NTRK3: variants seen among roughly 807,000 people sequenced by gnomAD.
NTRK3 encodes neurotrophic receptor tyrosine kinase 3, also known as NT-3 growth factor receptor.
In NTRK3, 24 loss-of-function variants were observed where a neutral mutation model predicts 91.7. The observed-to-expected ratio is 0.26, with a 90% confidence interval of 0.19 to 0.37. NTRK3 has a LOEUF of 0.37. NTRK3 is among the 10% of genes least tolerant of loss of function. The pLI is 1.00. For missense variants in NTRK3, 880 were observed against 1,068.9 expected, an observed-to-expected ratio of 0.82 and a Z score of 2.46; for synonymous variants, 483 against 404.0, an observed-to-expected ratio of 1.20 and a Z score of -2.34.
Position 87,893,664 on chromosome 15 carries a change from G to C in NTRK3, c.2134-13236C>G, listed in dbSNP as rs552195950. On this transcript the variant is annotated intron_variant, in intron 17 of 18. Transcript: ENST00000394480. ...TCTCAGGCTTCCGCATCTAATTACA[G>C]AAGGAGCCAGCTGGTGGATTCCAAA... Among the ~76,000 whole-genome samples, 3 of 152,326 alleles carry C rather than the reference G, an allele frequency of 2.0e-5. No individual in the cohort carries two copies. The East Asian group carries it at 5.8e-4, about 29-fold the overall frequency.
chr15:88,086,844 G>A (rs79046503), intron 13 of NTRK3, among the ~76,000 whole-genome samples: 3,992 of 152,172 alleles, frequency 0.026, 165 homozygotes, highest in African/African-American at 0.085. Flanking sequence ...TCTTCACCTG[G>A]AAGTATGCAG....
intron 14 of NTRK3, among the ~76,000 whole-genome samples, chr15:87,967,493 G>A (rs1199819133): frequency 1.3e-5 from 2 of 152,104 alleles, no homozygotes; most frequent in African/African-American, 2.4e-5. Flanking sequence ...AGAGCACTGC[G>A]AGCCTCACAT....
rs189211300 is a variant in NTRK3, at chr15:88,014,017, C to T, written c.1585+18840G>A. On this transcript the variant is annotated intron_variant, in intron 14 of 18. Transcript: ENST00000394480. ...AAGCCAGTGCAGCAAAGTGGCAGTG[C>T]CCCTTGAAAGTTTACTAAAATAACA... Among the ~76,000 whole-genome samples, 5 of 152,254 alleles carry T rather than the reference C, an allele frequency of 3.3e-5. No homozygotes were observed. In the East Asian group the frequency reaches 9.7e-4, roughly 29 times the overall value.
At position 87,931,139 on chromosome 15, in the gene NTRK3, T is replaced by C. The variant is rs146617544; in HGVS notation, c.1890-1705A>G. 9.0e-4 allele frequency: 438 copies of C among 484,696 alleles called. 10 individuals carry two copies. The East Asian group carries it at 0.023, about 26-fold the overall frequency. 30.0% of individuals were successfully genotyped at this position (484,696 alleles called of 1,614,324 possible). A position where few individuals can be genotyped will look rare whatever the true frequency, so the allele number is the denominator to read the frequency against. On this transcript the variant is annotated intron_variant, in intron 16 of 18. Transcript: ENST00000394480. Reference sequence around the variant, plus strand: ...CTCACTCTTTATTTCCCTCCTACTATCTTCTTTCTCTTCCCTTTTATCATG... The same window carrying C: ...CTCACTCTTTATTTCCCTCCTACTACCTTCTTTCTCTTCCCTTTTATCATG...
At chr15:88,254,326 G>A (rs568480438) in intron 3 of NTRK3, among the ~76,000 whole-genome samples, 2 of 152,294 alleles carry the variant, frequency 1.3e-5, no homozygotes, top group Admixed American at 6.5e-5. Context: ...GTGGCCTGCA[G>A]TGGGGGAGAG....
intron 5 of NTRK3, among the ~76,000 whole-genome samples, chr15:88,181,129 A>C (rs539666465): frequency 6.6e-6 from 1 of 151,670 alleles, no homozygotes; most frequent in South Asian, 2.1e-4. Flanking sequence ...ATGGTCATCC[A>C]TCCTTCTCGG....
At chr15:88,229,064 A>G (rs899122903) in intron 3 of NTRK3, among the ~76,000 whole-genome samples, 7 of 152,192 alleles carry the variant, frequency 4.6e-5, no homozygotes, top group Non-Finnish European at 8.8e-5. Flanking sequence ...GGCTAAGAGA[A>G]TGGCAGAGAC....
intron 3 of NTRK3, chr15:88,206,050 T>G (rs2048722465): frequency 6.6e-6 from 1 of 152,130 alleles, no homozygotes; most frequent in African/African-American, 2.4e-5. Flanking sequence ...TTATTAAAAC[T>G]CTCCAGAGGC....
rs990804629 is a variant in NTRK3 at position 88,234,216 on chromosome 15, C to G, written c.248+21690G>C. On this transcript the variant is annotated intron_variant, in intron 3 of 18. Coordinates refer to ENST00000394480, the Ensembl canonical transcript of NTRK3. This position sits in a 1 kb window ranked among gnomAD's most constrained non-coding sequence, Gnocchi z 6.1. Reference sequence around the variant, plus strand: ...CTCAGGATCCAAGGTTGTCTCTCATCGCCCCCCGCTCGACCTTCAAAAAGC... The same window carrying G: ...CTCAGGATCCAAGGTTGTCTCTCATGGCCCCCCGCTCGACCTTCAAAAAGC... Among the ~76,000 whole-genome samples, 2 of 152,134 alleles carry G rather than the reference C, an allele frequency of 1.3e-5. No homozygotes were observed. The highest frequency in any genetic ancestry group is 2.9e-5 in the Non-Finnish European group (2 of 68,030).
intron 13 of NTRK3, among the ~76,000 whole-genome samples, chr15:88,125,165 ATC>A (rs999928523): frequency 6.6e-6 from 1 of 152,184 alleles, no homozygotes; most frequent in Non-Finnish European, 1.5e-5. Context: ...TTCCCTATAT[ATC>A]AGTGTTCTGA....
chr15:88,086,432 A>T (rs1360907202), intron 13 of NTRK3, among the ~76,000 whole-genome samples: 1 of 152,130 alleles, frequency 6.6e-6, no homozygotes, highest in Admixed American at 6.5e-5. Flanking sequence ...TTAATTTTTA[A>T]AATAACATGG....
intron 13 of NTRK3, among the ~76,000 whole-genome samples, chr15:88,081,588 G>T (rs111414234): frequency 3.7e-4 from 56 of 152,292 alleles, no homozygotes; most frequent in African/African-American, 1.3e-3. Context: ...CCTCCAACAC[G>T]CCCAGTCCCT....
intron 14 of NTRK3, among the ~76,000 whole-genome samples, chr15:87,992,229 C>T (rs1342957927): frequency 3.9e-5 from 6 of 152,170 alleles, no homozygotes; most frequent in African/African-American, 1.4e-4. Context: ...CTATCTCCAG[C>T]CAACCATTTG....
At chr15:87,948,425 C>T (rs937449864) in intron 14 of NTRK3, among the ~76,000 whole-genome samples, 9 of 152,178 alleles carry the variant, frequency 5.9e-5, no homozygotes, top group African/African-American at 7.2e-5. Flanking sequence ...CGGTGGCTCA[C>T]GCCTGTAATC....
intron 12 of NTRK3, among the ~76,000 whole-genome samples, chr15:88,126,882 T>C (rs1834573): frequency 2.6e-5 from 4 of 152,062 alleles, no homozygotes; most frequent in Admixed American, 6.5e-5. Flanking sequence ...AGGAAACTTG[T>C]ACAGTTAGCA....
At chr15:87,943,797 G>A (rs1238167040) in intron 14 of NTRK3, among the ~76,000 whole-genome samples, 1 of 152,072 alleles carries the variant, frequency 6.6e-6, no homozygotes, top group Non-Finnish European at 1.5e-5. Context: ...GAGCCTGGCA[G>A]CAGCTGCAAA....
intron 3 of NTRK3, among the ~76,000 whole-genome samples, chr15:88,186,816 G>C (rs1452883051): frequency 6.6e-6 from 1 of 152,078 alleles, no homozygotes; most frequent in Admixed American, 6.6e-5. Context: ...TTTACTCTCT[G>C]GCCCTTTACA....
intron 13 of NTRK3, among the ~76,000 whole-genome samples, chr15:88,051,858 A>G (rs2080857597): frequency 6.6e-6 from 1 of 152,254 alleles, no homozygotes; most frequent in Non-Finnish European, 1.5e-5. Context: ...CAGCATCTAT[A>G]TGCCCTAAAG....
At chr15:87,906,275 T>C (rs2066757094) in intron 17 of NTRK3, among the ~76,000 whole-genome samples, 1 of 152,212 alleles carries the variant, frequency 6.6e-6, no homozygotes, top group African/African-American at 2.4e-5. Flanking sequence ...AAAGCCCCTA[T>C]CAAGGTGCCT....
Sources: gnomAD v4.1 joint callset for allele counts (sites outside exome capture counted in the v4.1 genomes callset) on GRCh38, gnomAD v4.1.1 for gene constraint, Gnocchi (gnomAD v3.1) non-coding constraint, MANE v1.5 for transcripts, NCBI Gene and HGNC (gene_info 2026-07-23, HGNC 2026-07-21) for gene names.